DLG2: variants seen among roughly 807,000 people sequenced by gnomAD.
DLG2 encodes the protein discs large MAGUK scaffold protein 2.
Under a neutral mutation model 132.5 loss-of-function variants are expected in DLG2, and 45 were observed. The ratio of observed to expected loss-of-function variants is 0.34; its 90% CI spans 0.27 to 0.44. The LOEUF (loss-of-function observed/expected upper bound fraction) is 0.44, where lower values mean the gene tolerates loss of function less well. Among genes scored for constraint, DLG2 ranks in the 20% least tolerant of loss-of-function variants. The probability of loss-of-function intolerance (pLI) is 1.00; values close to 1 mark genes in which losing one functional copy is unlikely to be tolerated. For synonymous variants in DLG2, 424 were observed against 419.6 expected (o/e 1.01, Z -0.13); for missense variants, 1,045 against 1,196.9 (o/e 0.87, Z 1.87).
At chr11:83,950,554 T>C (rs2085165547) in intron 14 of DLG2, among the ~76,000 whole-genome samples, 1 of 152,122 alleles carries the variant, frequency 6.6e-6, no homozygotes, top group Non-Finnish European at 1.5e-5. Context: ...GATCGTGCCA[T>C]TGCACTCCAG....
chr11:85,117,316 T>A (rs2152343277), intron 5 of DLG2, among the ~76,000 whole-genome samples: 1 of 152,164 alleles, frequency 6.6e-6, no homozygotes, highest in Non-Finnish European at 1.5e-5. Context: ...AAATCCCAGA[T>A]CCACTGTTTG....
intron 4 of DLG2, among the ~76,000 whole-genome samples, chr11:85,244,419 C>T (rs1028712152): frequency 3.3e-5 from 5 of 151,810 alleles, no homozygotes; most frequent in African/African-American, 7.3e-5. Context: ...CAATGATATA[C>T]GAGGGAAGTG....
chr11:84,087,174 G>C (rs79106461), intron 10 of DLG2, among the ~76,000 whole-genome samples: 2,217 of 152,202 alleles, frequency 0.015, 58 homozygotes, highest in African/African-American at 0.05. Context: ...TATATGCTAG[G>C]AGTAGAATGA....
At chr11:85,261,692 A>C (rs2076950116) in intron 4 of DLG2, among the ~76,000 whole-genome samples, 1 of 152,316 alleles carries the variant, frequency 6.6e-6, no homozygotes, top group East Asian at 1.9e-4. Context: ...TCCCCTTCAC[A>C]GCAGCATTTG....
intron 18 of DLG2, among the ~76,000 whole-genome samples, chr11:83,785,155 T>C (rs560516351): frequency 6.6e-6 from 1 of 152,148 alleles, no homozygotes; most frequent in East Asian, 1.9e-4. Context: ...CCCGGGTTCA[T>C]GCCGTTCTCC....
chr11:83,708,195 T>C (rs760522668), intron 18 of DLG2, among the ~76,000 whole-genome samples: 2 of 152,202 alleles, frequency 1.3e-5, no homozygotes, highest in Non-Finnish European at 2.9e-5. Context: ...CTAAACTAGA[T>C]CTGAAACATT....
At chr11:84,000,368 G>A (rs1163291950) in intron 11 of DLG2, among the ~76,000 whole-genome samples, 1 of 151,994 alleles carries the variant, frequency 6.6e-6, no homozygotes, top group Non-Finnish European at 1.5e-5. Context: ...CATGACACAT[G>A]GGACACCATA....
At chr11:84,439,362 T>C (rs1415272992) in intron 7 of DLG2, among the ~76,000 whole-genome samples, 1 of 152,198 alleles carries the variant, frequency 6.6e-6, no homozygotes, top group Non-Finnish European at 1.5e-5. Flanking sequence ...GCTCACCGGA[T>C]ACATAGGCTG....
intron 14 of DLG2, among the ~76,000 whole-genome samples, chr11:83,955,605 A>C (rs2086638323): frequency 6.6e-6 from 1 of 152,138 alleles, no homozygotes; most frequent in Admixed American, 6.5e-5. Context: ...CTTTTCCAAA[A>C]CTACCTATGG....
chr11:84,372,396 A>T (rs2098710083), intron 7 of DLG2, among the ~76,000 whole-genome samples: 1 of 152,190 alleles, frequency 6.6e-6, no homozygotes. Flanking sequence ...AAAAGCTGTG[A>T]TGATTTGCCA....
chr11:84,835,354 T>G (rs186754087), intron 6 of DLG2, among the ~76,000 whole-genome samples: 11 of 151,834 alleles, frequency 7.2e-5, no homozygotes, highest in African/African-American at 2.6e-4. Flanking sequence ...TGCTTTATGA[T>G]AGATGCAAAT....
intron 7 of DLG2, among the ~76,000 whole-genome samples, chr11:84,506,653 C>T (rs1238578884): frequency 6.6e-6 from 1 of 152,150 alleles, no homozygotes; most frequent in African/African-American, 2.4e-5. Context: ...ACATCCCAAA[C>T]TGTAAGATAA....
Position 85,510,915 on chromosome 11 carries a change from G to A in DLG2, c.40+87742C>T, listed in dbSNP as rs557693243. Among the ~76,000 whole-genome samples, 836 of 152,124 alleles carry A rather than the reference G, an allele frequency of 5.5e-3. 7 individuals are homozygous for A. The highest frequency in any genetic ancestry group is 0.019 in the African/African-American group (785 of 41,528). On this transcript the variant is annotated intron_variant, in intron 3 of 27. Coordinates refer to ENST00000376104, the MANE Select transcript of DLG2 (RefSeq NM_001142699.3). ...ATAAATCATGCTGCTATAAAGACAC[G>A]TGCACACGTATGTTTATTGTGGCAC...
At chr11:84,548,993 T>C (rs572844196) in intron 6 of DLG2, among the ~76,000 whole-genome samples, 16 of 152,216 alleles carry the variant, frequency 1.1e-4, no homozygotes, top group Non-Finnish European at 2.2e-4. Context: ...TAAAACATGA[T>C]CAAGTATTTG....
chr11:84,435,860 A>C (rs1488738307), intron 7 of DLG2, among the ~76,000 whole-genome samples: 1 of 152,060 alleles, frequency 6.6e-6, no homozygotes, highest in Non-Finnish European at 1.5e-5. Context: ...GGGAGATTCA[A>C]CTTTCTTTGC....
intron 8 of DLG2, among the ~76,000 whole-genome samples, chr11:84,203,635 A>T (rs938753585): frequency 4.0e-5 from 6 of 151,586 alleles, no homozygotes; most frequent in Admixed American, 6.6e-5. Context: ...AGGGACATGG[A>T]TGGAGCTAGA....
chr11:85,590,110 G>T (rs531162912), intron 3 of DLG2, among the ~76,000 whole-genome samples: 53 of 152,224 alleles, frequency 3.5e-4, no homozygotes, highest in Middle Eastern at 3.4e-3. Context: ...TGAGCTCCAT[G>T]AAAACAAGGT....
chr11:83,846,741 A>G (rs1392569866), intron 16 of DLG2, among the ~76,000 whole-genome samples: 3 of 151,900 alleles, frequency 2.0e-5, no homozygotes, highest in Non-Finnish European at 4.4e-5. Context: ...TAAATCAACT[A>G]TAGATCAATT....
intron 4 of DLG2, among the ~76,000 whole-genome samples, chr11:85,273,706 C>A (rs541848114): frequency 4.3e-4 from 65 of 152,232 alleles, no homozygotes; most frequent in African/African-American, 1.4e-3. Context: ...GTGATTCCTC[C>A]AGGATCTAGA....
Sources: gnomAD v4.1 joint callset for allele counts (sites outside exome capture counted in the v4.1 genomes callset) on GRCh38, gnomAD v4.1.1 for gene constraint, MANE v1.5 for transcripts, NCBI Gene and HGNC (gene_info 2026-07-23, HGNC 2026-07-21) for gene names.